Variants in SMAD7 observed in about 807,000 individuals in gnomAD.
The protein encoded by SMAD7 is MAD (mothers against decapentaplegic, Drosophila) homolog 7.
SMAD7 carries 8 observed loss-of-function variants against 38.7 expected under a neutral mutation model. That is an observed-to-expected ratio of 0.21 (90% CI 0.12 to 0.37). SMAD7 has a LOEUF of 0.37. SMAD7 is among the 10% of genes least tolerant of loss of function. The probability of loss-of-function intolerance (pLI) is 1.00; values close to 1 mark genes in which losing one functional copy is unlikely to be tolerated. For missense variants in SMAD7, 477 were observed against 577.9 expected, an observed-to-expected ratio of 0.83 and a Z score of 1.79; for synonymous variants, 327 against 265.1, an observed-to-expected ratio of 1.23 and a Z score of -2.27.
rs139836741 is a variant in SMAD7 at position 48,921,816 on chromosome 18, G to C, written c.837C>G (p.Val279=). ...AGAAGATATCCAGAGAGGGCTCCTG[G>C]ACACAGTAGAGCCTCCCCACTCTCG... ...EKTRVGRLYC[V]QEPSLDIFYD... Residue 279 remains valine (V), a synonymous_variant, in exon 4 of 4, where the codon GTC becomes GTG. Coordinates refer to ENST00000262158, the MANE Select transcript of SMAD7 (RefSeq NM_005904.4). The surrounding 1 kb of genome is among the most constrained non-coding windows in gnomAD (Gnocchi z 6.4). The C allele has an allele frequency of 6.2e-7, 1 of 1,614,022 alleles. No homozygotes were observed. The highest frequency in any genetic ancestry group is 1.3e-5 in the African/African-American group (1 of 75,050).
intron 1 of SMAD7, among the ~76,000 whole-genome samples, chr18:48,948,906 T>C (rs1266114207): frequency 6.6e-6 from 1 of 152,236 alleles, no homozygotes; most frequent in Non-Finnish European, 1.5e-5. Flanking sequence ...ACTCGGGAGA[T>C]GCATCCCAAG....
rs1246415023 is a variant in SMAD7, at chr18:48,921,016, GCACACT to G, written c.*350_*355del. The G allele has an allele frequency of 1.1e-5, 3 of 266,594 alleles. No individual in the cohort carries two copies. The highest frequency in any genetic ancestry group is 1.1e-4 in the South Asian group (2 of 18,354). The allele number at this position is 266,594 out of a possible 1,614,324, so 16.5% of individuals were successfully genotyped here. On this transcript the variant is annotated 3_prime_UTR_variant, in exon 4 of 4. Transcript: ENST00000262158. This position sits in a 1 kb window ranked among gnomAD's most constrained non-coding sequence, Gnocchi z 6.4. ...CCTGCACACGCGTGCACACACAGCC[GCACACT>G]CACACTCACACACACTCCTGACAAG...
rs1002376976 is a variant in SMAD7 at position 48,942,856 on chromosome 18, G to C, written c.668-301C>G. ...CAGTCCCCCATTACGGATACCAGGT[G>C]GTTCCCAAGGTCAAAGGAGGTTTGG... On this transcript the variant is annotated intron_variant, in intron 2 of 3. Coordinates refer to ENST00000262158, the MANE Select transcript of SMAD7 (RefSeq NM_005904.4). The C allele has an allele frequency of 1.4e-5, 15 of 1,104,850 alleles. No homozygotes were observed. The Admixed American group carries it at 6.5e-4, about 48-fold the overall frequency. 68.4% of individuals were successfully genotyped at this position (1,104,850 alleles called of 1,614,324 possible).
In SMAD7 at chr18:48,949,839, G is replaced by A; in HGVS notation, c.586C>T (p.His196Tyr). 6.2e-7 allele frequency: 1 copy of A among 1,612,258 alleles called. No individual in the cohort carries two copies. The highest frequency in any genetic ancestry group is 8.5e-7 in the Non-Finnish European group (1 of 1,179,132). ...AGTTCGCAGAGTCGGCTAAGGTGAT[G>A]GGGGTTGCAGCACACCAGCTCGGGG... ...INPELVCCNP[H>Y]HLSRLCELES... Residue 196 changes from histidine (H) to tyrosine (Y), a missense_variant, in exon 1 of 4, where the codon CAT becomes TAT. His to Tyr is a moderately conservative substitution (Grantham distance 83). Around this residue, in one of 2 missense-constraint regions of SMAD7, gnomAD observed 376 missense variants for 379.4 expected, o/e 0.99. Transcript: ENST00000262158.
Position 48,950,029 on chromosome 18 carries a change from C to T in SMAD7, c.396G>A (p.Leu132=). 6.8e-7 allele frequency: 1 copy of T among 1,468,920 alleles called. No homozygotes were observed. The highest frequency in any genetic ancestry group is 2.9e-5 in the East Asian group (1 of 34,988). The allele number at this position is 1,468,920 out of a possible 1,614,324, so 91.0% of individuals were successfully genotyped here. ...GCGCCCCCGGGCCCAGCCTGCAGTC[C>T]AGGCGGCCGGGCAGCAGGAGGCACG... ...RTACLLLPGR[L]DCRLGPGAPA... Residue 132 remains leucine (L), a synonymous_variant, in exon 1 of 4, where the codon CTG becomes CTA. Coordinates refer to ENST00000262158, the MANE Select transcript of SMAD7 (RefSeq NM_005904.4).
At chr18:48,946,188 G>C (rs12956583) in intron 2 of SMAD7, among the ~76,000 whole-genome samples, 22,339 of 152,150 alleles carry the variant, frequency 0.15, 2,031 homozygotes, top group Non-Finnish European at 0.2. Context: ...AACTGGTTAA[G>C]ATTTTAACAG....
rs2069845055 is a variant in SMAD7, at chr18:48,920,605, G to A, written c.*767C>T. On this transcript the variant is annotated 3_prime_UTR_variant, in exon 4 of 4. Transcript: ENST00000262158. ...GAGGGGGCTGCCCCGGCAGCCCTTG[G>A]GAAGCCCATCTCAGGGAGATCCAGG... is the stretch of plus-strand genomic sequence containing the variant. The A allele has an allele frequency of 6.6e-6, 1 of 152,432 alleles. No homozygotes were observed. Among genetic ancestry groups the A allele is most frequent in the African/African-American group, 2.4e-5 (1 of 41,454 alleles). The allele number at this position is 152,432 out of a possible 1,614,324, so 9.4% of individuals were successfully genotyped here.
At chr18:48,940,836 C>T (rs1226548999) in intron 3 of SMAD7, among the ~76,000 whole-genome samples, 1 of 151,884 alleles carries the variant, frequency 6.6e-6, no homozygotes, top group Admixed American at 6.6e-5. Flanking sequence ...AAAGCCCACC[C>T]ATCTCCTGAG....
chr18:48,934,357 C>T (rs201310146), intron 3 of SMAD7, among the ~76,000 whole-genome samples: 2 of 151,988 alleles, frequency 1.3e-5, no homozygotes, highest in African/African-American at 2.4e-5. Context: ...CCTGAGTTCC[C>T]GGCGGCTAAG....
At chr18:48,942,607 C>G (rs771351983) in intron 2 of SMAD7, 52 bp from the exon 3 acceptor site, 1 of 1,612,104 alleles carries the variant, frequency 6.2e-7, no homozygotes. Context: ...ATAAAAACAC[C>G]AAGATCCATC....
At chr18:48,922,674 C>T (rs565780691) in intron 3 of SMAD7, among the ~76,000 whole-genome samples, 1 of 152,152 alleles carries the variant, frequency 6.6e-6, no homozygotes, top group Non-Finnish European at 1.5e-5. Flanking sequence ...GCTACCTTAA[C>T]AAAGCTTCCT....
At chr18:48,931,457 GC>G (rs1381939793) in intron 3 of SMAD7, among the ~76,000 whole-genome samples, 1 of 152,142 alleles carries the variant, frequency 6.6e-6, no homozygotes, top group African/African-American at 2.4e-5. Flanking sequence ...AAAGATATCG[GC>G]CCCCTGCAGA....
intron 3 of SMAD7, among the ~76,000 whole-genome samples, chr18:48,931,419 G>C (rs1300210190): frequency 1.3e-5 from 2 of 152,192 alleles, no homozygotes; most frequent in Non-Finnish European, 2.9e-5. Context: ...CTGAACTGGG[G>C]ATTCCACGGG....
chr18:48,942,632 A>G (rs1000651118), intron 2 of SMAD7, 77 bp from the exon 3 acceptor site: 1 of 1,604,586 alleles, frequency 6.2e-7, no homozygotes, highest in Admixed American at 1.7e-5. Flanking sequence ...AGCACGCTCT[A>G]AACAGCATGA....
At chr18:48,928,592 A>G (rs1156475101) in intron 3 of SMAD7, among the ~76,000 whole-genome samples, 3 of 152,040 alleles carry the variant, frequency 2.0e-5, no homozygotes, top group Non-Finnish European at 4.4e-5. Flanking sequence ...TGGTTCCCTG[A>G]AGTTTCTCCT....
chr18:48,919,920 A>G lies in SMAD7; in HGVS notation c.*1452T>C, dbSNP rs769033832. 2 of 152,646 alleles carry G rather than the reference A, an allele frequency of 1.3e-5. No individual in the cohort carries two copies. Among genetic ancestry groups the G allele is most frequent in the Non-Finnish European group, 2.9e-5 (2 of 68,042 alleles). The allele number at this position is 152,646 out of a possible 1,614,324, so 9.5% of individuals were successfully genotyped here. A position where few individuals can be genotyped will look rare whatever the true frequency, so the allele number is the denominator to read the frequency against. ...CTTTAGAAAAACATTCAGCTAGGTG[A>G]TAACACCCATAGAAAAAAACACCAA... On this transcript the variant is annotated 3_prime_UTR_variant, in exon 4 of 4. Transcript: ENST00000262158.
In SMAD7 at chr18:48,950,657, G is replaced by C. The variant is rs970683583; in HGVS notation, c.-233C>G. ...CCGGGGGCGCCCGCCGGGGATCGGG[G>C]GCCTGCGCTCCGGCTGCCCCACCCC... On this transcript the variant is annotated 5_prime_UTR_variant, in exon 1 of 4. Coordinates refer to ENST00000262158, the MANE Select transcript of SMAD7 (RefSeq NM_005904.4). 6.6e-6 allele frequency: 1 copy of C among 151,800 alleles called. No homozygotes were observed. The highest frequency in any genetic ancestry group is 6.7e-5 in the Admixed American group (1 of 14,918). 9.4% of individuals were successfully genotyped at this position (151,800 alleles called of 1,614,324 possible).
chr18:48,921,986 C>T lies in SMAD7; in HGVS notation c.743-76G>A. On this transcript the variant is annotated intron_variant, in intron 3 of 3. Coordinates refer to ENST00000262158, the MANE Select transcript of SMAD7 (RefSeq NM_005904.4). The surrounding 1 kb of genome is among the most constrained non-coding windows in gnomAD (Gnocchi z 6.4). The stretch of plus-strand genomic sequence containing the variant: ...CCTAGAATGAAGACACCCGCCCCCC[C>T]ACTGCACCCAGTCACCAGCTCATCT... 8.8e-7 allele frequency: 1 copy of T among 1,133,360 alleles called. No homozygotes were observed. Among genetic ancestry groups the T allele is most frequent in the Non-Finnish European group, 1.2e-6 (1 of 801,986 alleles). The allele number at this position is 1,133,360 out of a possible 1,614,324, so 70.2% of individuals were successfully genotyped here. A position where few individuals can be genotyped will look rare whatever the true frequency, so the allele number is the denominator to read the frequency against.
chr18:48,938,926 G>C (rs1408669930), intron 3 of SMAD7, among the ~76,000 whole-genome samples: 1 of 152,078 alleles, frequency 6.6e-6, no homozygotes, highest in Non-Finnish European at 1.5e-5. Context: ...CCTTTCAAAA[G>C]ACACCCATCC....
Sources: gnomAD v4.1 joint callset for allele counts (sites outside exome capture counted in the v4.1 genomes callset) on GRCh38, gnomAD v4.1.1 for gene constraint, gnomAD v4.1.1 regional missense constraint, Gnocchi (gnomAD v3.1) non-coding constraint, MANE v1.5 for transcripts, NCBI Gene and HGNC (gene_info 2026-07-23, HGNC 2026-07-21) for gene names.